Variants in PARK7 observed in about 807,000 individuals in gnomAD.
The protein encoded by PARK7 is Parkinson disease protein 7.
A neutral mutation model predicts 20.5 loss-of-function variants in PARK7; 14 were observed. The observed-to-expected ratio is 0.68, with a 90% confidence interval of 0.45 to 1.07. The LOEUF (loss-of-function observed/expected upper bound fraction) is 1.07, where lower values mean the gene tolerates loss of function less well. Ranked by LOEUF, PARK7 falls within the 50% of genes least tolerant of loss-of-function variation. PARK7 has a pLI of 0.00. For missense variants in PARK7, 234 were observed against 238.1 expected, an observed-to-expected ratio of 0.98 and a Z score of 0.11; for synonymous variants, 98 against 84.3, an observed-to-expected ratio of 1.16 and a Z score of -0.89.
intron 3 of PARK7, 157 bp from the exon 4 acceptor site, chr1:7,969,188 A>G: frequency 1.6e-6 from 1 of 627,020 alleles, no homozygotes; most frequent in East Asian, 2.8e-5. Context: ...CCATTCCGTC[A>G]TGTGGATACA....
rs995080064 is a variant in PARK7 at position 7,984,665 on chromosome 1, G to T, written c.410-229G>T. 1.3e-5 allele frequency among the ~76,000 whole-genome samples: 2 copies of T among 152,190 alleles called. No homozygotes were observed. The highest frequency in any genetic ancestry group is 2.9e-5 in the Non-Finnish European group (2 of 68,044). On this transcript the variant is annotated intron_variant, in intron 6 of 6. Coordinates refer to ENST00000338639, the MANE Select transcript of PARK7 (RefSeq NM_007262.5). This position sits in a 1 kb window ranked among gnomAD's most constrained non-coding sequence, Gnocchi z 4.3. ...GTCTTAGCAGCTGCATTTAACTCACGCATATTTGTTTCATTCTAACAGTGG... is the reference window on the plus strand; with the variant it reads ...GTCTTAGCAGCTGCATTTAACTCACTCATATTTGTTTCATTCTAACAGTGG...
In PARK7 at chr1:7,962,858, G is replaced by A. The variant is rs781346135; in HGVS notation, c.73G>A (p.Val25Ile). The A allele has an allele frequency of 5.6e-6, 9 of 1,612,638 alleles. No individual in the cohort carries two copies. The Admixed American group carries it at 1.5e-4, about 27-fold the overall frequency. Residue 25 changes from valine (V) to isoleucine (I), a missense_variant, in exon 2 of 7, where the codon GTC becomes ATC. Physicochemically the swap from Val to Ile is conservative, Grantham distance 29. Transcript: ENST00000338639. Reference protein sequence around the residue: ...EEMETVIPVDVMRRAGIKVTV... With the variant: ...EEMETVIPVDIMRRAGIKVTV... ...AATGGAGACGGTCATCCCTGTAGAT[G>A]TCATGAGGCGAGCTGGGGTAAGTCC...
intron 2 of PARK7, among the ~76,000 whole-genome samples, chr1:7,963,169 T>G (rs753818561): frequency 3.2e-4 from 49 of 152,088 alleles, no homozygotes; most frequent in Non-Finnish European, 3.2e-4. Flanking sequence ...GCCCAAACCA[T>G]CTTCCCACCT....
At chr1:7,963,834 T>TA in intron 2 of PARK7, among the ~76,000 whole-genome samples, 1 of 132,900 alleles carries the variant, frequency 7.5e-6, no homozygotes. Context: ...TTTTTTTTTT[T>TA]AAGACAGAGT....
intron 6 of PARK7, among the ~76,000 whole-genome samples, chr1:7,979,923 G>A (rs1020430514): frequency 4.6e-5 from 7 of 152,116 alleles, no homozygotes; most frequent in East Asian, 1.9e-4. Flanking sequence ...TGGGGAGGCC[G>A]GTGGGGGAGG....
Position 7,984,917 on chromosome 1 carries a change from C to A in PARK7, c.433C>A (p.Arg145Ser), listed in dbSNP as rs768782230. ...AGGTCATTACACCTACTCTGAGAATCGTGTGGAAAAAGACGGCCTGATTCT... is the reference window on the plus strand; with the variant it reads ...AGGTCATTACACCTACTCTGAGAATAGTGTGGAAAAAGACGGCCTGATTCT... ...NGGHYTYSENRVEKDGLILTS... is the reference protein window; with the variant it reads ...NGGHYTYSENSVEKDGLILTS... Residue 145 changes from arginine (R) to serine (S), a missense_variant, in exon 7 of 7, where the codon CGT becomes AGT. Physicochemically the swap from Arg to Ser is moderately radical, Grantham distance 110. Transcript: ENST00000338639. The surrounding 1 kb of genome is among the most constrained non-coding windows in gnomAD (Gnocchi z 4.3). 6.8e-6 allele frequency: 11 copies of A among 1,614,034 alleles called. No homozygotes were observed. Among genetic ancestry groups the A allele is most frequent in the South Asian group, 1.1e-5 (1 of 91,082 alleles).
chr1:7,983,865 A>G (rs1340505547), intron 6 of PARK7, among the ~76,000 whole-genome samples: 3 of 152,226 alleles, frequency 2.0e-5, no homozygotes, highest in South Asian at 2.1e-4. Flanking sequence ...CCTGTGTGCC[A>G]TGGATATCAT....
chr1:7,985,308 A>C lies in PARK7; in HGVS notation c.*254A>C. ...CTGATTGTTTCTTGTTTTGTCTCTCATTTCTTTTGTGAAATTAAATTCCGT... is the reference window on the plus strand; with the variant it reads ...CTGATTGTTTCTTGTTTTGTCTCTCCTTTCTTTTGTGAAATTAAATTCCGT... On this transcript the variant is annotated 3_prime_UTR_variant, in exon 7 of 7. Transcript: ENST00000338639. The C allele has an allele frequency of 2.0e-6, 1 of 493,608 alleles. No individual in the cohort carries two copies. The highest frequency in any genetic ancestry group is 3.7e-6 in the Non-Finnish European group (1 of 272,402). The allele number at this position is 493,608 out of a possible 1,614,324, so 30.6% of individuals were successfully genotyped here. A position where few individuals can be genotyped will look rare whatever the true frequency, so the allele number is the denominator to read the frequency against.
chr1:7,966,918 T>G (rs1270895842), intron 3 of PARK7, among the ~76,000 whole-genome samples: 3 of 152,226 alleles, frequency 2.0e-5, no homozygotes, highest in African/African-American at 7.2e-5. Flanking sequence ...CATTTCTTTG[T>G]GTTGGGAACG....
chr1:7,971,112 T>G, intron 5 of PARK7, 149 bp downstream of exon 5: 1 of 832,968 alleles, frequency 1.2e-6, no homozygotes, highest in South Asian at 1.4e-5. Context: ...ATGAAGTTGG[T>G]GTCATTTCAG....
intron 5 of PARK7, among the ~76,000 whole-genome samples, chr1:7,973,922 A>G (rs1443345278): frequency 1.3e-5 from 2 of 149,906 alleles, no homozygotes; most frequent in East Asian, 4.7e-4. Flanking sequence ...AAAAAAAAAA[A>G]AAATCAACCA....
rs887043825 is a variant in PARK7, at chr1:7,984,156, G to A, written c.410-738G>A. On this transcript the variant is annotated intron_variant, in intron 6 of 6. Transcript: ENST00000338639. The surrounding 1 kb of genome is among the most constrained non-coding windows in gnomAD (Gnocchi z 4.3). Reference sequence around the variant, plus strand: ...CAGCCCTTGAGCTCTTCCTGGAGCAGGAGAGAACGTGTTGTATACAGTAAG... The same window carrying A: ...CAGCCCTTGAGCTCTTCCTGGAGCAAGAGAGAACGTGTTGTATACAGTAAG... Among the ~76,000 whole-genome samples, 4 of 152,094 alleles carry A rather than the reference G, an allele frequency of 2.6e-5. No homozygotes were observed. Among genetic ancestry groups the A allele is most frequent in the Non-Finnish European group, 5.9e-5 (4 of 68,014 alleles).
chr1:7,969,672 C>T (rs1351471376), intron 4 of PARK7, among the ~76,000 whole-genome samples: 1 of 152,074 alleles, frequency 6.6e-6, no homozygotes, highest in Non-Finnish European at 1.5e-5. Context: ...TCTCCGCCTC[C>T]TGGGTTCAAG....
At chr1:7,965,753 C>T (rs557061289) in intron 3 of PARK7, among the ~76,000 whole-genome samples, 18 of 152,238 alleles carry the variant, frequency 1.2e-4, no homozygotes, top group Middle Eastern at 6.8e-3. Context: ...GCATCCTTGC[C>T]TCCTATTACA....
chr1:7,966,414 C>T (rs1437927887), intron 3 of PARK7, among the ~76,000 whole-genome samples: 1 of 151,576 alleles, frequency 6.6e-6, no homozygotes, highest in African/African-American at 2.4e-5. Context: ...GTAAGTATTC[C>T]AGGCCAAGTG....
At chr1:7,969,312 T>C in intron 3 of PARK7, 33 bp from the exon 4 acceptor site, 6 of 1,552,838 alleles carry the variant, frequency 3.9e-6, no homozygotes, top group Non-Finnish European at 5.3e-6. Flanking sequence ...AAATGAAATG[T>C]TTTTGTTTTC....
intron 5 of PARK7, among the ~76,000 whole-genome samples, chr1:7,973,408 G>A (rs226242): frequency 0.66 from 100,711 of 152,154 alleles, 34,555 homozygotes; most frequent in African/African-American, 0.85. Flanking sequence ...GGAAGAAAGA[G>A]TTTGGGCTGA....
chr1:7,973,972 C>T (rs981357750), intron 5 of PARK7, among the ~76,000 whole-genome samples: 4 of 150,990 alleles, frequency 2.6e-5, no homozygotes, highest in East Asian at 3.9e-4. Flanking sequence ...AGATGGAATG[C>T]CATGCTAAGA....
intron 6 of PARK7, among the ~76,000 whole-genome samples, chr1:7,980,973 G>T (rs1010499009): frequency 6.6e-6 from 1 of 152,112 alleles, no homozygotes; most frequent in Non-Finnish European, 1.5e-5. Context: ...CTCCCAAAGT[G>T]CTGGAATTAC....
Sources: allele counts gnomAD v4.1 joint callset (sites outside exome capture counted in the v4.1 genomes callset), GRCh38; gene constraint gnomAD v4.1.1; non-coding constraint Gnocchi (gnomAD v3.1); transcripts MANE v1.5; gene names NCBI Gene and HGNC (gene_info 2026-07-23, HGNC 2026-07-21).